The following DPP6 variants were observed in gnomAD, a reference collection of about 807,000 sequenced individuals.
DPP6 encodes dipeptidyl peptidase like 6.
A neutral mutation model predicts 122.6 loss-of-function variants in DPP6; 69 were observed. The observed-to-expected ratio is 0.56, with a 90% CI of 0.46 to 0.69. DPP6 has a LOEUF of 0.69. DPP6 is among the 30% of genes least tolerant of loss of function. The pLI, the probability that DPP6 is intolerant of heterozygous loss-of-function variation, is 0.00. For synonymous variants in DPP6, 418 were observed against 433.1 expected, an observed-to-expected ratio of 0.97 and a Z score of 0.43; for missense variants, 928 against 1,116.9, an observed-to-expected ratio of 0.83 and a Z score of 2.41.
At chr7:154,580,604 A>T (rs571441414) in intron 5 of DPP6, among the ~76,000 whole-genome samples, 1 of 152,246 alleles carries the variant, frequency 6.6e-6, no homozygotes, top group African/African-American at 2.4e-5. Flanking sequence ...CAGGGTCAGA[A>T]ACTGACATTC....
At chr7:154,779,096 A>G (rs1278685612) in intron 10 of DPP6, among the ~76,000 whole-genome samples, 1 of 133,806 alleles carries the variant, frequency 7.5e-6, no homozygotes. Context: ...AACCTCTACC[A>G]CCACCACCAC....
At chr7:154,110,532 C>G (rs150959558) in intron 1 of DPP6, among the ~76,000 whole-genome samples, 293 of 152,278 alleles carry the variant, frequency 1.9e-3, no homozygotes, top group African/African-American at 6.8e-3. Context: ...AACACAGACA[C>G]ATCAGACCCC....
intron 7 of DPP6, among the ~76,000 whole-genome samples, chr7:154,722,039 T>C (rs1841842083): frequency 6.7e-6 from 1 of 150,164 alleles, no homozygotes; most frequent in South Asian, 2.1e-4. Flanking sequence ...GATAGATATA[T>C]AGATAGATGC....
At chr7:153,897,389 A>G (rs1268554859) in intron 1 of DPP6, among the ~76,000 whole-genome samples, 1 of 152,212 alleles carries the variant, frequency 6.6e-6, no homozygotes, top group Admixed American at 6.5e-5. Context: ...TAGGATTTCT[A>G]GCCTCTGCTG....
the DPP6 span, among the ~76,000 whole-genome samples, chr7:153,749,453 G>GGGCGCT: frequency 9.9e-5 from 15 of 152,260 alleles, no homozygotes; most frequent in South Asian, 1.2e-3. This position sits in a 1 kb window ranked among gnomAD's most constrained non-coding sequence, Gnocchi z 4.1. Context: ...GCTCTCCCGC[G>GGGCGCT]GGCGCTGGCG....
rs535276505 is a variant in DPP6, at chr7:154,457,972, TAAA to T, written c.358+11657_358+11659del. Among the ~76,000 whole-genome samples, 2 of 13,952 alleles carry T rather than the reference TAAA, an allele frequency of 1.4e-4. 1 individual carries two copies. The highest frequency in any genetic ancestry group is 0.033 in the East Asian group (2 of 60). 9.2% of individuals were successfully genotyped at this position (13,952 alleles called of 152,430 possible). A position where few individuals can be genotyped will look rare whatever the true frequency, so the allele number is the denominator to read the frequency against. The stretch of plus-strand genomic sequence containing the variant: ...ATGTACCCTAAAACTTAGAGTATAA[TAAA>T]AAAAAAAAAAAAGAAGGAAATAGAG... On this transcript the variant is annotated intron_variant, in intron 2 of 25. Transcript: ENST00000377770.
intron 1 of DPP6, among the ~76,000 whole-genome samples, chr7:154,016,251 G>T (rs567351441): frequency 1.3e-5 from 2 of 152,092 alleles, no homozygotes; most frequent in Non-Finnish European, 2.9e-5. Flanking sequence ...CATTGAACAA[G>T]GAAATACTGA....
chr7:154,678,682 G>C (rs10247867), intron 7 of DPP6, among the ~76,000 whole-genome samples: 5 of 152,240 alleles, frequency 3.3e-5, no homozygotes, highest in Non-Finnish European at 2.9e-5. Context: ...TGTTTTAAGC[G>C]TGAGAAGGAA....
At chr7:154,180,415 CTATATAT>C (rs1242200314) in intron 1 of DPP6, among the ~76,000 whole-genome samples, 1 of 139,336 alleles carries the variant, frequency 7.2e-6, no homozygotes, top group Non-Finnish European at 1.5e-5. Flanking sequence ...ATATATATAT[CTATATAT>C]AATATATAAT....
At position 154,278,627 on chromosome 7, in the gene DPP6, G is replaced by A. The variant is rs550672142; in HGVS notation, c.244-167587G>A. Among the ~76,000 whole-genome samples, 133 of 152,330 alleles carry A rather than the reference G, an allele frequency of 8.7e-4. 1 individual carries two copies. The highest frequency in any genetic ancestry group is 1.7e-3 in the Non-Finnish European group (117 of 68,038). ...CTAGAACTTACACATCCAAATATGT[G>A]TTTTCACTTTGCACAGGGTGGCCTA... On this transcript the variant is annotated intron_variant, in intron 1 of 25. Coordinates refer to ENST00000377770, the MANE Select transcript of DPP6 (RefSeq NM_130797.4).
intron 6 of DPP6, among the ~76,000 whole-genome samples, chr7:154,653,352 CATAG>C (rs1052457994): frequency 1.6e-4 from 24 of 152,106 alleles, no homozygotes; most frequent in African/African-American, 4.6e-4. Flanking sequence ...TGTCTCTAAA[CATAG>C]ATAGATAGAT....
At chr7:153,874,568 A>T in the DPP6 span, among the ~76,000 whole-genome samples, 2 of 151,904 alleles carry the variant, frequency 1.3e-5, no homozygotes, top group African/African-American at 2.4e-5. Flanking sequence ...TAAAGACAGC[A>T]TTTCACTGCG....
chr7:153,855,778 C>T, the DPP6 span, among the ~76,000 whole-genome samples: 1 of 152,078 alleles, frequency 6.6e-6, no homozygotes. Flanking sequence ...GAGGTGAGAG[C>T]TTAGAGTCTT....
At chr7:154,288,399 C>A (rs1374054897) in intron 1 of DPP6, among the ~76,000 whole-genome samples, 3 of 152,166 alleles carry the variant, frequency 2.0e-5, no homozygotes, top group African/African-American at 7.2e-5. Flanking sequence ...AAGGAAGCCA[C>A]CAGTGTCCAG....
intron 1 of DPP6, among the ~76,000 whole-genome samples, chr7:154,308,953 C>T (rs75264217): frequency 0.079 from 11,984 of 152,148 alleles, 608 homozygotes; most frequent in East Asian, 0.14. Flanking sequence ...TGTGTGCATG[C>T]GTATGCACAC....
chr7:153,854,274 TA>T, the DPP6 span, among the ~76,000 whole-genome samples: 1 of 152,088 alleles, frequency 6.6e-6, no homozygotes, highest in Non-Finnish European at 1.5e-5. Flanking sequence ...TGAAGTCAGG[TA>T]GTGTGATGCC....
At chr7:154,180,199 T>C (rs1296156122) in intron 1 of DPP6, among the ~76,000 whole-genome samples, 1 of 151,666 alleles carries the variant, frequency 6.6e-6, no homozygotes, top group Non-Finnish European at 1.5e-5. Flanking sequence ...AACACAAAAA[T>C]TAGCCAGGCA....
At chr7:154,493,887 T>C (rs1281438661) in intron 3 of DPP6, among the ~76,000 whole-genome samples, 2 of 152,172 alleles carry the variant, frequency 1.3e-5, no homozygotes, top group Non-Finnish European at 2.9e-5. Context: ...GTAGAAACTA[T>C]CCAATTTTAT....
intron 1 of DPP6, among the ~76,000 whole-genome samples, chr7:154,432,152 C>G (rs1016233011): frequency 1.3e-5 from 2 of 152,160 alleles, no homozygotes; most frequent in Admixed American, 6.5e-5. Context: ...AGCTTTTCCT[C>G]AGTTAATCTG....
Sources: gnomAD v4.1 joint callset for allele counts (sites outside exome capture counted in the v4.1 genomes callset) on GRCh38, gnomAD v4.1.1 for gene constraint, Gnocchi (gnomAD v3.1) non-coding constraint, MANE v1.5 for transcripts, NCBI Gene and HGNC (gene_info 2026-07-23, HGNC 2026-07-21) for gene names.